ERBB4: variants seen among roughly 807,000 people sequenced by gnomAD.
ERBB4 encodes receptor tyrosine-protein kinase erbB-4.
A neutral mutation model predicts 158.0 loss-of-function variants in ERBB4; 42 were observed. The ratio of observed to expected loss-of-function variants is 0.27; its 90% CI spans 0.21 to 0.34. ERBB4 has a LOEUF of 0.34. Among genes scored for constraint, ERBB4 ranks in the 10% least tolerant of loss-of-function variants. The probability of loss-of-function intolerance (pLI) is 1.00; values close to 1 mark genes in which losing one functional copy is unlikely to be tolerated. For missense variants in ERBB4, 1,333 were observed against 1,624.1 expected (o/e 0.82, Z 3.08); for synonymous variants, 583 against 558.7 (o/e 1.04, Z -0.61).
chr2:211,446,258 G>A (rs2064110269), intron 20 of ERBB4, among the ~76,000 whole-genome samples: 1 of 152,090 alleles, frequency 6.6e-6, no homozygotes, highest in South Asian at 2.1e-4. Flanking sequence ...GAATACTGAG[G>A]CACAATATAA....
intron 1 of ERBB4, among the ~76,000 whole-genome samples, chr2:212,185,664 T>C (rs997773910): frequency 2.6e-5 from 4 of 151,890 alleles, no homozygotes; most frequent in South Asian, 4.2e-4. Flanking sequence ...TCTAGGGAGA[T>C]TGGTTTCTCA....
At chr2:211,851,718 G>C (rs2077725945) in intron 3 of ERBB4, among the ~76,000 whole-genome samples, 1 of 151,898 alleles carries the variant, frequency 6.6e-6, no homozygotes, top group Non-Finnish European at 1.5e-5. Context: ...AAAGGTGTTT[G>C]ATCCTATTGT....
At chr2:212,349,541 G>A (rs945119443) in intron 1 of ERBB4, among the ~76,000 whole-genome samples, 1 of 152,054 alleles carries the variant, frequency 6.6e-6, no homozygotes, top group African/African-American at 2.4e-5. Context: ...AAGTGCAGGG[G>A]TTAGCACTTA....
chr2:211,532,017 T>G (rs925693353), intron 20 of ERBB4, among the ~76,000 whole-genome samples: 5 of 152,044 alleles, frequency 3.3e-5, no homozygotes, highest in Non-Finnish European at 7.4e-5. Context: ...GGTCATTATG[T>G]TAAGTGAAAT....
intron 1 of ERBB4, among the ~76,000 whole-genome samples, chr2:212,257,465 T>C (rs2084781761): frequency 6.6e-6 from 1 of 152,194 alleles, no homozygotes; most frequent in Non-Finnish European, 1.5e-5. Flanking sequence ...CTTCACTTAT[T>C]TAATATTCAG....
At chr2:211,437,266 A>T (rs1473259257) in intron 20 of ERBB4, among the ~76,000 whole-genome samples, 1 of 152,252 alleles carries the variant, frequency 6.6e-6, no homozygotes, top group African/African-American at 2.4e-5. Flanking sequence ...ATGTGTAATC[A>T]TAGTAAATAC....
rs1241860717 is a variant in ERBB4, at chr2:211,928,570, A to G, written c.421+18860T>C. On this transcript the variant is annotated intron_variant, in intron 3 of 27. Coordinates refer to ENST00000342788, the MANE Select transcript of ERBB4 (RefSeq NM_005235.3). The stretch of plus-strand genomic sequence containing the variant: ...GCATGCTTTCTTCCTGGGAGGAAGA[A>G]AGAGCACGCCTTTTACCATCGGGCC... 2.0e-5 allele frequency among the ~76,000 whole-genome samples: 3 copies of G among 152,194 alleles called. No homozygotes were observed. The East Asian group carries it at 5.8e-4, about 29-fold the overall frequency.
At position 211,431,091 on chromosome 2, in the gene ERBB4, A is replaced by G. The variant is rs1018165669; in HGVS notation, c.2497T>C (p.Tyr833His). 6.2e-7 allele frequency: 1 copy of G among 1,613,644 alleles called. No homozygotes were observed. The highest frequency in any genetic ancestry group is 8.5e-7 in the Non-Finnish European group (1 of 1,179,690). The change falls in exon 21 of 28, where the codon TAC becomes CAC. Residue 833 changes from tyrosine (Y) to histidine (H), a missense_variant. Tyr to His is a moderately conservative substitution (Grantham distance 83). This residue lies in a region of ERBB4 where 314 missense variants were observed against 437.6 expected (regional missense o/e 0.72). Transcript: ENST00000342788. ...WCVQIAKGMM[Y>H]LEERRLVHRD... ...TGAACGAGTCGTCTTTCTTCCAGGT[A>G]CATCATTCCCTGAAAAATATCAAGT...
intron 5 of ERBB4, among the ~76,000 whole-genome samples, chr2:211,740,784 G>A (rs13020626): frequency 0.33 from 50,637 of 151,506 alleles, 8,510 homozygotes; most frequent in South Asian, 0.44. Flanking sequence ...CTAATTTTTT[G>A]TATTTTTAGT....
chr2:211,687,628 T>C lies in ERBB4; in HGVS notation c.1490-8444A>G, dbSNP rs146606935. Among the ~76,000 whole-genome samples, 374 of 152,330 alleles carry C rather than the reference T, an allele frequency of 2.5e-3. 3 individuals are homozygous for C. The highest frequency in any genetic ancestry group is 8.4e-3 in the African/African-American group (348 of 41,578). Reference sequence around the variant, plus strand: ...CTAAAAGGTTTCTGTCTTGTCTACCTGCCCCTTTCCAGATTCTTTGAGTAG... The same window carrying C: ...CTAAAAGGTTTCTGTCTTGTCTACCCGCCCCTTTCCAGATTCTTTGAGTAG... On this transcript the variant is annotated intron_variant, in intron 12 of 27. Coordinates refer to ENST00000342788, the MANE Select transcript of ERBB4 (RefSeq NM_005235.3).
At chr2:212,396,071 T>C (rs746556940) in intron 1 of ERBB4, among the ~76,000 whole-genome samples, 2 of 152,178 alleles carry the variant, frequency 1.3e-5, no homozygotes, top group Admixed American at 6.5e-5. Flanking sequence ...ACTTTTAAGA[T>C]ATTCTGCCAA....
chr2:212,249,460 CAATTA>C (rs2084446610), intron 1 of ERBB4, among the ~76,000 whole-genome samples: 1 of 149,974 alleles, frequency 6.7e-6, no homozygotes. Context: ...TTGAAACATA[CAATTA>C]GCTAGAGGGA....
At chr2:212,538,362 G>T in intron 1 of ERBB4, 87 bp downstream of exon 1, 2 of 1,193,712 alleles carry the variant, frequency 1.7e-6, no homozygotes, top group Non-Finnish European at 2.5e-6. Context: ...ACGCCTCCCG[G>T]GATGGGTGAA....
chr2:211,697,595 C>T (rs987130251), intron 12 of ERBB4, among the ~76,000 whole-genome samples: 1 of 151,578 alleles, frequency 6.6e-6, no homozygotes, highest in African/African-American at 2.4e-5. Context: ...GAACAACTCC[C>T]AAATTAAAAA....
intron 1 of ERBB4, among the ~76,000 whole-genome samples, chr2:212,233,985 T>C (rs1016455531): frequency 4.0e-5 from 6 of 149,004 alleles, no homozygotes; most frequent in Non-Finnish European, 8.9e-5. Flanking sequence ...ATTATTATTA[T>C]TATTATTATT....
intron 1 of ERBB4, among the ~76,000 whole-genome samples, chr2:212,385,773 A>T (rs2090655523): frequency 6.6e-6 from 1 of 151,874 alleles, no homozygotes; most frequent in Admixed American, 6.6e-5. Context: ...GAAAGCAGTA[A>T]TCCTATACTT....
intron 20 of ERBB4, among the ~76,000 whole-genome samples, chr2:211,459,294 C>T (rs1456927805): frequency 6.6e-6 from 1 of 152,174 alleles, no homozygotes; most frequent in East Asian, 1.9e-4. Flanking sequence ...CAACCAACTA[C>T]TTCTATGGGG....
At chr2:211,724,422 G>T (rs2074201272) in intron 6 of ERBB4, among the ~76,000 whole-genome samples, 1 of 148,452 alleles carries the variant, frequency 6.7e-6, no homozygotes, top group Admixed American at 6.7e-5. Context: ...AAATTTCTGT[G>T]TTCATTTTCA....
In ERBB4 at chr2:212,307,716, T is replaced by A. The variant is rs1194760953; in HGVS notation, c.83-182813A>T. ...TTACTATCACATACACCATATGAGATTGAGATCACAGTCTAGTGTTTAAAA... is the reference window on the plus strand; with the variant it reads ...TTACTATCACATACACCATATGAGAATGAGATCACAGTCTAGTGTTTAAAA... On this transcript the variant is annotated intron_variant, in intron 1 of 27. Coordinates refer to ENST00000342788, the MANE Select transcript of ERBB4 (RefSeq NM_005235.3). Among the ~76,000 whole-genome samples, 5 of 151,390 alleles carry A rather than the reference T, an allele frequency of 3.3e-5. No homozygotes were observed. The South Asian group carries it at 8.3e-4, about 25-fold the overall frequency.
Sources: gnomAD v4.1 joint callset for allele counts (sites outside exome capture counted in the v4.1 genomes callset) on GRCh38, gnomAD v4.1.1 for gene constraint, gnomAD v4.1.1 regional missense constraint, MANE v1.5 for transcripts, NCBI Gene and HGNC (gene_info 2026-07-23, HGNC 2026-07-21) for gene names.